Variants in KRT13 observed in about 807,000 individuals in gnomAD.
KRT13 encodes the protein keratin 13, also known as keratin, type I cytoskeletal 13.
Under a neutral mutation model 40.6 loss-of-function variants are expected in KRT13, and 27 were observed. The ratio of observed to expected loss-of-function variants is 0.67; its 90% confidence interval spans 0.49 to 0.92. The LOEUF is 0.92. KRT13 is among the 40% of genes least tolerant of loss of function. The pLI is 0.00. For missense variants in KRT13, 605 were observed against 611.5 expected (o/e 0.99, Z 0.11); for synonymous variants, 266 against 240.3 (o/e 1.11, Z -0.99).
Position 41,502,839 on chromosome 17 carries a change from T to C in KRT13, c.898-27A>G, listed in dbSNP as rs61126695. 0.051 allele frequency: 82,139 copies of C among 1,613,966 alleles called. 2,464 individuals are homozygous for C. The highest frequency in any genetic ancestry group is 0.12 in the African/African-American group (9,295 of 74,938). ...TGAAATGCAAGCAGGAAGAAGGTGGTGGGGAAGCTCAGCTCGAGCAGCCTG... is the reference window on the plus strand; with the variant it reads ...TGAAATGCAAGCAGGAAGAAGGTGGCGGGGAAGCTCAGCTCGAGCAGCCTG... On this transcript the variant is annotated intron_variant, in intron 4 of 7. Coordinates refer to ENST00000246635, the MANE Select transcript of KRT13 (RefSeq NM_153490.3).
Position 41,505,300 on chromosome 17 carries a change from C to A in KRT13, c.251G>T (p.Gly84Val). 1 of 1,614,148 alleles carries A rather than the reference C, an allele frequency of 6.2e-7. No homozygotes were observed. Among genetic ancestry groups the A allele is most frequent in the Non-Finnish European group, 8.5e-7 (1 of 1,180,012 alleles). The change falls in exon 1 of 8, where the codon GGT becomes GTT. Residue 84 changes from glycine to valine, a missense_variant. Physicochemically the swap from Gly to Val is moderately radical, Grantham distance 109. Transcript: ENST00000246635. ...AAAGTCAACAAAGCCACCAGCAAAA[C>A]CCCCACCAAAGCCACCTCCAAGGCC... ...GGGLGGGFGG[G>V]FAGGFVDFGA...
chr17:41,505,092 G>A lies in KRT13; in HGVS notation c.459C>T (p.Ser153=). 1 of 1,614,196 alleles carries A rather than the reference G, an allele frequency of 6.2e-7. No homozygotes were observed. Among genetic ancestry groups the A allele is most frequent in the South Asian group, 1.1e-5 (1 of 91,090 alleles). The change falls in exon 1 of 8, where the codon AGC becomes AGT. Residue 153 remains serine (S), a synonymous_variant. Transcript: ENST00000246635. The part of the protein sequence containing the change: ...QSPASPERDY[S]PYYKTIEELR... Reference sequence around the variant, plus strand: ...GCTCTTCAATGGTCTTGTAGTAGGGGCTGTAGTCCCGCTCAGGGCTAGCTG... The same window carrying A: ...GCTCTTCAATGGTCTTGTAGTAGGGACTGTAGTCCCGCTCAGGGCTAGCTG...
At position 41,501,379 on chromosome 17, in the gene KRT13, A is replaced by C. The variant is rs1223485217; in HGVS notation, c.1271-17T>G. 4 of 1,540,592 alleles carry C rather than the reference A, an allele frequency of 2.6e-6. No homozygotes were observed. In the African/African-American group the frequency reaches 5.5e-5, roughly 21 times the overall value. On this transcript the variant is annotated splice_polypyrimidine_tract_variant and intron_variant, in intron 7 of 7. Transcript: ENST00000246635. The stretch of plus-strand genomic sequence containing the variant: ...TGACGCTTCCTGGGAAACAAGAGAC[A>C]AGACATGCTCAGGCTGGAGAAGACC...
chr17:41,502,673 G>A lies in KRT13; in HGVS notation c.1023+14C>T. The A allele has an allele frequency of 1.2e-6, 2 of 1,613,696 alleles. No individual in the cohort carries two copies. Among genetic ancestry groups the A allele is most frequent in the African/African-American group, 1.3e-5 (1 of 75,046 alleles). ...TAGAGGTGGTCGCCACCGGGCAGGA[G>A]GCTGCAGGCATACCATGCTCAGCTG... On this transcript the variant is annotated intron_variant, in intron 5 of 7. Coordinates refer to ENST00000246635, the MANE Select transcript of KRT13 (RefSeq NM_153490.3).
intron 6 of KRT13, 105 bp downstream of exon 6, chr17:41,502,269 G>T (rs1904876369): frequency 6.2e-7 from 1 of 1,608,960 alleles, no homozygotes. Flanking sequence ...GACAGTGAGG[G>T]GTCTCCTCTC....
Position 41,502,928 on chromosome 17 carries a change from G to A in KRT13, c.897+9C>T, listed in dbSNP as rs1314944421. On this transcript the variant is annotated intron_variant, in intron 4 of 7. Coordinates refer to ENST00000246635, the MANE Select transcript of KRT13 (RefSeq NM_153490.3). ...GGGATGGGCTATGTGGGGTGGGAGG[G>A]CCGGGTACCTTGGTGTGGAACCATT... 3 of 1,614,098 alleles carry A rather than the reference G, an allele frequency of 1.9e-6. No homozygotes were observed. The highest frequency in any genetic ancestry group is 2.5e-6 in the Non-Finnish European group (3 of 1,179,976).
At chr17:41,502,004 A>G (rs996389643) in intron 6 of KRT13, 17 of 1,422,646 alleles carry the variant, frequency 1.2e-5, no homozygotes, top group Non-Finnish European at 1.5e-5. Flanking sequence ...TTCCCTCTGG[A>G]TCGCCCAAAC....
chr17:41,502,003 G>A, intron 6 of KRT13: 1 of 1,422,736 alleles, frequency 7.0e-7, no homozygotes, highest in Non-Finnish European at 9.2e-7. Flanking sequence ...CTTCCCTCTG[G>A]ATCGCCCAAA....
In KRT13 at chr17:41,505,130, G is replaced by T; in HGVS notation, c.421C>A (p.Leu141Met). The change falls in exon 1 of 8, where the codon CTG (leucine) becomes ATG (methionine). Residue 141 changes from leucine (L) to methionine (M), a missense_variant. By Grantham distance (15) the Leu-to-Met change is conservative. Coordinates refer to ENST00000246635, the MANE Select transcript of KRT13 (RefSeq NM_153490.3). The stretch of plus-strand genomic sequence containing the variant: ...TCAGGGCTAGCTGGGCTCTGCTTCA[G>T]GTGCCAGTCACGGATCTTCACCTCC... ...DLEVKIRDWH[L>M]KQSPASPERD... 1 of 1,614,200 alleles carries T rather than the reference G, an allele frequency of 6.2e-7. No homozygotes were observed. Among genetic ancestry groups the T allele is most frequent in the South Asian group, 1.1e-5 (1 of 91,084 alleles).
chr17:41,505,468 C>T lies in KRT13; in HGVS notation c.83G>A (p.Gly28Asp), dbSNP rs780999432. 4 of 1,614,134 alleles carry T rather than the reference C, an allele frequency of 2.5e-6. No individual in the cohort carries two copies. In the South Asian group the frequency reaches 4.4e-5, roughly 18 times the overall value. The change falls in exon 1 of 8, where the codon GGT becomes GAT. Residue 28 changes from glycine to aspartate, a missense_variant. Transcript: ENST00000246635. ...AAACCGAGTTGAACAGGTAGAGACA[C>T]CACGGCCTCCTCCCAGCTGGCAAGA... ...GGSCQLGGGRGVSTCSTRFVS... is the reference protein window; with the variant it reads ...GGSCQLGGGRDVSTCSTRFVS...
At position 41,502,539 on chromosome 17, in the gene KRT13, A is replaced by T; in HGVS notation, c.1079T>A (p.Leu360Gln). 1.2e-6 allele frequency: 2 copies of T among 1,613,956 alleles called. No individual in the cohort carries two copies. The highest frequency in any genetic ancestry group is 4.5e-5 in the East Asian group (2 of 44,874). ...GCTGATGAGTCCCTGGATCTGCTGC[A>T]GCTGCAGGGCATAGCGGCACTCCGT... ...AETECRYALQLQQIQGLISSI... is the reference protein window; with the variant it reads ...AETECRYALQQQQIQGLISSI... The change falls in exon 6 of 8, where the codon CTG becomes CAG. Residue 360 changes from leucine (L) to glutamine (Q), a missense_variant. Coordinates refer to ENST00000246635, the MANE Select transcript of KRT13 (RefSeq NM_153490.3).
At chr17:41,501,503 T>G (rs1480116579) in intron 7 of KRT13, 141 bp from the exon 8 acceptor site, 2 of 1,099,218 alleles carry the variant, frequency 1.8e-6, no homozygotes, top group Non-Finnish European at 2.7e-6. Flanking sequence ...CAAAGATGGC[T>G]CTTCCCAAGA....
Position 41,501,304 on chromosome 17 carries a change from G to A in KRT13, c.1329C>T (p.Thr443=). ...TGCGGCGACCAGAGGCATTAGAGGT[G>A]GTGGTAACAGAGGCACTAGAAGTCG... ...VTTTSSASVT[T]TSNASGRRTS... The change falls in exon 8 of 8, where the codon ACC becomes ACT. Residue 443 remains threonine, a synonymous_variant. Transcript: ENST00000246635. The A allele has an allele frequency of 6.3e-7, 1 of 1,576,942 alleles. No individual in the cohort carries two copies.
Position 41,501,701 on chromosome 17 carries a change from A to G in KRT13, c.1270+18T>C. On this transcript the variant is annotated intron_variant, in intron 7 of 7. Transcript: ENST00000246635. Reference sequence around the variant, plus strand: ...GGCTAACTCTGCCTCCCCCTACACCACGGGGCTGTTCCCTTACCTGCTGAG... The same window carrying G: ...GGCTAACTCTGCCTCCCCCTACACCGCGGGGCTGTTCCCTTACCTGCTGAG... The G allele has an allele frequency of 6.3e-7, 1 of 1,577,188 alleles. No individual in the cohort carries two copies. The highest frequency in any genetic ancestry group is 8.6e-7 in the Non-Finnish European group (1 of 1,160,666).
rs1748261281 is a variant in KRT13, at chr17:41,505,497, A to G, written c.54T>C (p.Gly18=). 2 of 1,614,056 alleles carry G rather than the reference A, an allele frequency of 1.2e-6. No individual in the cohort carries two copies. The highest frequency in any genetic ancestry group is 1.7e-6 in the Non-Finnish European group (2 of 1,180,024). ...GGCCTCCTCCCAGCTGGCAAGAGCC[A>G]CCCCCGAAACCACCTCCATAGCTGG... ...SSASYGGGFG[G]GSCQLGGGRG... is the part of the protein sequence containing the mutation. The change falls in exon 1 of 8, where the codon GGT becomes GGC. Residue 18 remains glycine, a synonymous_variant. Transcript: ENST00000246635.
rs114369311 is a variant in KRT13 at position 41,503,291 on chromosome 17, T to C, written c.731A>G (p.Glu244Gly). ...CAGCCTGCAATTCCCGCTCACCTCT[T>C]CATGGTTCTTCTTCATGTAGGCTAG... ...EELAYMKKNH[E>G]EEMKEFSNQV... The change falls in exon 3 of 8, where the codon GAA (glutamate) becomes GGA (glycine). Residue 244 changes from glutamate (E) to glycine (G), a missense_variant. Glu to Gly is a moderately conservative substitution (Grantham distance 98). Transcript: ENST00000246635. 1 of 1,614,136 alleles carries C rather than the reference T, an allele frequency of 6.2e-7. No homozygotes were observed. The highest frequency in any genetic ancestry group is 8.5e-7 in the Non-Finnish European group (1 of 1,180,016).
At chr17:41,502,122 A>G (rs1453968536) in intron 6 of KRT13, 9 of 1,432,942 alleles carry the variant, frequency 6.3e-6, no homozygotes, top group Non-Finnish European at 8.2e-6. Flanking sequence ...GCTGAGCTGT[A>G]TCCAAGCTCA....
rs1489702813 is a variant in KRT13 at position 41,501,111 on chromosome 17, C to T, written c.*145G>A. On this transcript the variant is annotated 3_prime_UTR_variant, in exon 8 of 8. Transcript: ENST00000246635. ...GGAAGAGAAGAGCACAGAGGGCCCA[C>T]CATCAGGAGAGAGTCAGGACAGGGG... 3.1e-6 allele frequency: 2 copies of T among 638,422 alleles called. No homozygotes were observed. Among genetic ancestry groups the T allele is most frequent in the Non-Finnish European group, 5.8e-6 (2 of 343,454 alleles). The allele number at this position is 638,422 out of a possible 1,614,324, so 39.5% of individuals were successfully genotyped here.
chr17:41,501,854 C>A (rs1904864152), intron 6 of KRT13, 110 bp from the exon 7 acceptor site: 1 of 1,548,044 alleles, frequency 6.5e-7, no homozygotes, highest in Admixed American at 2.0e-5. Flanking sequence ...CTGGGCTGGA[C>A]TCTAGTGCCT....
Sources: gnomAD v4.1 joint callset for allele counts on GRCh38, gnomAD v4.1.1 for gene constraint, MANE v1.5 for transcripts, NCBI Gene and HGNC (gene_info 2026-07-23, HGNC 2026-07-21) for gene names.